ECHDC2: variants seen among roughly 807,000 people sequenced by gnomAD.
ECHDC2 encodes the protein enoyl-CoA hydratase domain containing 2.
A neutral mutation model predicts 40.6 loss-of-function variants in ECHDC2; 34 were observed. That is an observed-to-expected ratio of 0.84 (90% CI 0.64 to 1.11). The LOEUF (loss-of-function observed/expected upper bound fraction) is 1.11, where lower values mean the gene tolerates loss of function less well. Among genes scored for constraint, ECHDC2 ranks in the 50% most tolerant of loss-of-function variants. The probability of loss-of-function intolerance (pLI) is 0.00; values close to 1 mark genes in which losing one functional copy is unlikely to be tolerated. For missense variants in ECHDC2, 392 were observed against 400.7 expected, an observed-to-expected ratio of 0.98 and a Z score of 0.19; for synonymous variants, 162 against 166.6, an observed-to-expected ratio of 0.97 and a Z score of 0.21.
intron 4 of ECHDC2, 54 bp from the exon 5 acceptor site, chr1:52,906,665 A>G: frequency 6.8e-7 from 1 of 1,471,916 alleles, no homozygotes; most frequent in Non-Finnish European, 9.2e-7. Context: ...ACCAGGACAG[A>G]GACTCAAGGC....
chr1:52,913,141 G>C (rs1414077643), intron 1 of ECHDC2: 4 of 152,158 alleles, frequency 2.6e-5, no homozygotes, highest in Non-Finnish European at 5.9e-5. Flanking sequence ...CTGTGGAGGA[G>C]CCTGGGGTAT....
chr1:52,907,605 A>G (rs941010237), intron 4 of ECHDC2: 7 of 419,238 alleles, frequency 1.7e-5, no homozygotes, highest in African/African-American at 1.4e-4. Context: ...ACTTGAAAGC[A>G]TGCTTGGGGA....
At chr1:52,908,890 A>G (rs562488419) in intron 3 of ECHDC2, among the ~76,000 whole-genome samples, 5 of 148,116 alleles carry the variant, frequency 3.4e-5, no homozygotes, top group African/African-American at 1.2e-4. Context: ...CAGTGAGCCA[A>G]GATTGTGCCA....
At position 52,896,048 on chromosome 1, in the gene ECHDC2, A is replaced by G. The variant is rs906017908; in HGVS notation, c.*472T>C. Reference sequence around the variant, plus strand: ...CACGGTTATACAGCAAGTAACTGGCAGAGACTGGGATCTGCAGTCTGACCC... The same window carrying G: ...CACGGTTATACAGCAAGTAACTGGCGGAGACTGGGATCTGCAGTCTGACCC... On this transcript the variant is annotated 3_prime_UTR_variant, in exon 10 of 10. Transcript: ENST00000371522. The G allele has an allele frequency of 6.2e-6, 1 of 161,058 alleles. No homozygotes were observed. Among genetic ancestry groups the G allele is most frequent in the African/African-American group, 2.4e-5 (1 of 41,776 alleles). The allele number at this position is 161,058 out of a possible 1,614,324, so 10.0% of individuals were successfully genotyped here.
At chr1:52,903,809 C>G (rs115441370) in intron 7 of ECHDC2, among the ~76,000 whole-genome samples, 14 of 147,278 alleles carry the variant, frequency 9.5e-5, no homozygotes, top group African/African-American at 3.4e-4. Context: ...TGTTGTATTT[C>G]TTTCTTTCTT....
rs936138222 is a variant in ECHDC2 at position 52,911,618 on chromosome 1, C to A, written c.225G>T (p.Arg75=). ...TTCTGAAGAGCAGGACACGCACTTG[C>A]CGGTCCTCCCGCAGCTGGGCCAGAG... ...LETLAQLRED[R]QVRVLLFRSG... is the part of the protein sequence containing the mutation. Residue 75 remains arginine (R), a synonymous_variant, in exon 3 of 10, where the codon CGG becomes CGT. Coordinates refer to ENST00000371522, the MANE Select transcript of ECHDC2 (RefSeq NM_001198961.2). The A allele has an allele frequency of 3.7e-6, 6 of 1,614,172 alleles. No homozygotes were observed. In the Admixed American group the frequency reaches 8.3e-5, roughly 22 times the overall value.
At chr1:52,901,689 A>T (rs1647003376) in intron 7 of ECHDC2, 1 of 152,060 alleles carries the variant, frequency 6.6e-6, no homozygotes, top group Admixed American at 6.6e-5. Flanking sequence ...GAAGGTCTCA[A>T]CTCTGGGATT....
In ECHDC2 at chr1:52,910,531, G is replaced by A. The variant is rs1306027161; in HGVS notation, c.277+1035C>T. 2.0e-5 allele frequency among the ~76,000 whole-genome samples: 3 copies of A among 151,582 alleles called. No individual in the cohort carries two copies. In the East Asian group the frequency reaches 5.8e-4, roughly 29 times the overall value. Reference sequence around the variant, plus strand: ...TTACAGGCACTGGCCACAATGCCTGGCTAATTTTTGTATTTTTAGTAGAGA... The same window carrying A: ...TTACAGGCACTGGCCACAATGCCTGACTAATTTTTGTATTTTTAGTAGAGA... On this transcript the variant is annotated intron_variant, in intron 3 of 9. Coordinates refer to ENST00000371522, the MANE Select transcript of ECHDC2 (RefSeq NM_001198961.2).
intron 1 of ECHDC2, among the ~76,000 whole-genome samples, chr1:52,920,934 C>A (rs1428803994): frequency 6.6e-6 from 1 of 152,240 alleles, no homozygotes; most frequent in Non-Finnish European, 1.5e-5. Flanking sequence ...CAAACAACAA[C>A]AACAACAAAA....
At chr1:52,903,507 G>A (rs1441424901) in intron 7 of ECHDC2, among the ~76,000 whole-genome samples, 3 of 151,960 alleles carry the variant, frequency 2.0e-5, no homozygotes, top group African/African-American at 4.8e-5. Context: ...TGGAAGTGCA[G>A]TGGCGTGACC....
In ECHDC2 at chr1:52,897,565, TAC is replaced by T. The variant is rs1192612929; in HGVS notation, c.754-83_754-82del. On this transcript the variant is annotated intron_variant, in intron 8 of 9. Transcript: ENST00000371522. ...CTGGAAGCCAGCCCACCCTATTGCC[TAC>T]AGACATCTATATGAGCAGAGATAGC... The T allele has an allele frequency of 3.0e-6, 4 of 1,315,172 alleles. No individual in the cohort carries two copies. In the African/African-American group the frequency reaches 5.8e-5, roughly 19 times the overall value. The allele number at this position is 1,315,172 out of a possible 1,614,324, so 81.5% of individuals were successfully genotyped here.
intron 7 of ECHDC2, among the ~76,000 whole-genome samples, chr1:52,902,490 A>AT (rs1354792575): frequency 1.3e-5 from 2 of 152,062 alleles, no homozygotes; most frequent in Non-Finnish European, 2.9e-5. Flanking sequence ...AGGTCTCACT[A>AT]TGTTGCCCAG....
In ECHDC2 at chr1:52,901,118, A is replaced by G. The variant is rs1571917166; in HGVS notation, c.703-1894T>C. 2.0e-5 allele frequency: 3 copies of G among 152,262 alleles called. No individual in the cohort carries two copies. In the East Asian group the frequency reaches 5.8e-4, roughly 29 times the overall value. The allele number at this position is 152,262 out of a possible 1,614,324, so 9.4% of individuals were successfully genotyped here. ...TGCTCCAGTGAGCTGTGATCATGCCACTGCACTCCAGCCTGGGCAAAAGAG... is the reference window on the plus strand; with the variant it reads ...TGCTCCAGTGAGCTGTGATCATGCCGCTGCACTCCAGCCTGGGCAAAAGAG... On this transcript the variant is annotated intron_variant, in intron 7 of 9. Coordinates refer to ENST00000371522, the MANE Select transcript of ECHDC2 (RefSeq NM_001198961.2).
chr1:52,916,272 G>A (rs1021898943), intron 1 of ECHDC2, among the ~76,000 whole-genome samples: 1 of 152,196 alleles, frequency 6.6e-6, no homozygotes, highest in Non-Finnish European at 1.5e-5. Flanking sequence ...GGGACTGGCA[G>A]ACACTCCTCT....
At position 52,899,229 on chromosome 1, in the gene ECHDC2, G is replaced by A. The variant is rs1646833400; in HGVS notation, c.703-5C>T. 6.2e-7 allele frequency: 1 copy of A among 1,610,756 alleles called. No individual in the cohort carries two copies. The highest frequency in any genetic ancestry group is 8.5e-7 in the Non-Finnish European group (1 of 1,179,860). On this transcript the variant is annotated splice_polypyrimidine_tract_variant and splice_region_variant and intron_variant, in intron 7 of 9. Transcript: ENST00000371522. ...CAGCCGCACGGCAATGGGGGCCTAG[G>A]GAAAAGCAAAAAGTCTTGGTTGAGG...
chr1:52,909,461 A>G (rs1648835199), intron 3 of ECHDC2, among the ~76,000 whole-genome samples: 1 of 151,006 alleles, frequency 6.6e-6, no homozygotes, highest in Non-Finnish European at 1.5e-5. Flanking sequence ...CCTGGGCCAC[A>G]CTGGAAGAAT....
At chr1:52,899,633 A>G (rs1451337798) in intron 7 of ECHDC2, 5 of 175,890 alleles carry the variant, frequency 2.8e-5, no homozygotes, top group Non-Finnish European at 6.1e-5. Flanking sequence ...TGTTTATCCA[A>G]TCATTGGTGA....
In ECHDC2 at chr1:52,921,708, G is replaced by T; in HGVS notation, c.-35C>A. 2 of 1,454,276 alleles carry T rather than the reference G, an allele frequency of 1.4e-6. No individual in the cohort carries two copies. Among genetic ancestry groups the T allele is most frequent in the East Asian group, 2.6e-5 (1 of 37,844 alleles). 90.1% of individuals were successfully genotyped at this position (1,454,276 alleles called of 1,614,324 possible). A position where few individuals can be genotyped will look rare whatever the true frequency, so the allele number is the denominator to read the frequency against. On this transcript the variant is annotated 5_prime_UTR_variant, in exon 1 of 10. Coordinates refer to ENST00000371522, the MANE Select transcript of ECHDC2 (RefSeq NM_001198961.2). ...GGCTGGGAGTGAAGGTGCTTCTCCG[G>T]CCCTGCACCGTCTCGGCTCCCGCTG...
intron 1 of ECHDC2, among the ~76,000 whole-genome samples, chr1:52,918,078 A>T (rs1365791165): frequency 6.6e-6 from 1 of 152,176 alleles, no homozygotes; most frequent in African/African-American, 2.4e-5. Flanking sequence ...TCACTTGCAA[A>T]TATCAGGAAT....
Sources: gnomAD v4.1 joint callset for allele counts (sites outside exome capture counted in the v4.1 genomes callset) on GRCh38, gnomAD v4.1.1 for gene constraint, MANE v1.5 for transcripts, NCBI Gene and HGNC (gene_info 2026-07-23, HGNC 2026-07-21) for gene names.